The following F10 variants were observed in gnomAD, a reference collection of about 807,000 sequenced individuals.
F10 encodes the protein coagulation factor X.
F10 carries 29 observed loss-of-function variants against 37.1 expected under a neutral mutation model. The ratio of observed to expected loss-of-function variants is 0.78; its 90% CI spans 0.58 to 1.07. The LOEUF is 1.07. F10 is among the 50% of genes least tolerant of loss of function. The probability of loss-of-function intolerance (pLI) is 0.00; values close to 1 mark genes in which losing one functional copy is unlikely to be tolerated. For synonymous variants in F10, 262 were observed against 268.6 expected (o/e 0.98, Z 0.24); for missense variants, 539 against 667.9 (o/e 0.81, Z 2.13).
At chr13:113,147,782 T>G (rs1459243502) in intron 7 of F10, among the ~76,000 whole-genome samples, 1 of 152,164 alleles carries the variant, frequency 6.6e-6, no homozygotes, top group South Asian at 2.1e-4. Context: ...TGGGTCTGCA[T>G]GTCCAGCTAA....
In F10 at chr13:113,143,793, G is replaced by A; in HGVS notation, c.503-58G>A. 6.2e-7 allele frequency: 1 copy of A among 1,603,130 alleles called. No individual in the cohort carries two copies. The highest frequency in any genetic ancestry group is 8.5e-7 in the Non-Finnish European group (1 of 1,179,722). On this transcript the variant is annotated intron_variant, in intron 5 of 7. Transcript: ENST00000375559. The surrounding 1 kb of genome is among the most constrained non-coding windows in gnomAD (Gnocchi z 6.8). The stretch of plus-strand genomic sequence containing the variant: ...ACTCTTCTCCCTCAGGGTGAGCTGT[G>A]CAGGCTATGGGGAGCCTCTCTCTGT...
At position 113,139,385 on chromosome 13, in the gene F10, C is replaced by A. The variant is rs1340732317; in HGVS notation, c.285C>A (p.Cys95Ter). 4 of 1,613,874 alleles carry A rather than the reference C, an allele frequency of 2.5e-6. No homozygotes were observed. Residue 95 changes from cysteine (C) to a stop codon, truncating the protein, a stop_gained, in exon 4 of 8, where the codon TGC becomes TGA. Coordinates refer to ENST00000375559, the MANE Select transcript of F10 (RefSeq NM_000504.4). LOFTEE classifies it high-confidence loss of function. The surrounding 1 kb of genome is among the most constrained non-coding windows in gnomAD (Gnocchi z 5.2). ...GCGACCAGTGTGAGACCAGTCCTTG[C>A]CAGAACCAGGGCAAATGTAAAGACG... ...KDGDQCETSP[C>*]QNQGKCKDGL...
rs2036582950 is a variant in F10, at chr13:113,146,401, G to T, written c.748-978G>T. The stretch of plus-strand genomic sequence containing the variant: ...GGAGCTGGACTTGGAGCTGCAGGCG[G>T]GGTTTTGGAGGGGTTCCTGGGCTGG... On this transcript the variant is annotated intron_variant, in intron 6 of 7. Coordinates refer to ENST00000375559, the MANE Select transcript of F10 (RefSeq NM_000504.4). This position sits in a 1 kb window ranked among gnomAD's most constrained non-coding sequence, Gnocchi z 4.5. Among the ~76,000 whole-genome samples the T allele has an allele frequency of 6.6e-6, 1 of 152,180 alleles. No homozygotes were observed. Among genetic ancestry groups the T allele is most frequent in the Non-Finnish European group, 1.5e-5 (1 of 68,030 alleles).
In F10 at chr13:113,143,969, C is replaced by A. The variant is rs147238846; in HGVS notation, c.621C>A (p.Asp207Glu). The A allele has an allele frequency of 1.2e-6, 2 of 1,610,796 alleles. No individual in the cohort carries two copies. The highest frequency in any genetic ancestry group is 2.7e-5 in the African/African-American group (2 of 73,880). ...CATGGAAGCCATATGATGCAGCCGA[C>A]CTGGACCCCACCGAGAACCCCTTCG... is the stretch of plus-strand genomic sequence containing the variant. ...SITWKPYDAA[D>E]LDPTENPFDL... The change falls in exon 6 of 8, where the codon GAC becomes GAA. Residue 207 changes from aspartate (D) to glutamate (E), a missense_variant. Physicochemically the swap from Asp to Glu is conservative, Grantham distance 45. Transcript: ENST00000375559. The surrounding 1 kb of genome is among the most constrained non-coding windows in gnomAD (Gnocchi z 6.8).
At chr13:113,140,148 A>G (rs2036513862) in intron 4 of F10, among the ~76,000 whole-genome samples, 1 of 142,208 alleles carries the variant, frequency 7.0e-6, no homozygotes, top group African/African-American at 2.6e-5. Flanking sequence ...ATCTCAGCTC[A>G]CCGCAAGCTC....
rs1023915293 is a variant in F10, at chr13:113,146,386, T to C, written c.748-993T>C. 1.3e-5 allele frequency among the ~76,000 whole-genome samples: 2 copies of C among 152,090 alleles called. No individual in the cohort carries two copies. On this transcript the variant is annotated intron_variant, in intron 6 of 7. Transcript: ENST00000375559. The surrounding 1 kb of genome is among the most constrained non-coding windows in gnomAD (Gnocchi z 4.5). Reference sequence around the variant, plus strand: ...CTCTTGTGGGGCTGAGGAGCTGGACTTGGAGCTGCAGGCGGGGTTTTGGAG... The same window carrying C: ...CTCTTGTGGGGCTGAGGAGCTGGACCTGGAGCTGCAGGCGGGGTTTTGGAG...
At position 113,146,041 on chromosome 13, in the gene F10, C is replaced by T. The variant is rs1179393986; in HGVS notation, c.748-1338C>T. Reference sequence around the variant, plus strand: ...CAAGAATCTCAGAGCTGCCAGCGCCCCCATGAATTCCCCCAGGTCTTCCCC... The same window carrying T: ...CAAGAATCTCAGAGCTGCCAGCGCCTCCATGAATTCCCCCAGGTCTTCCCC... On this transcript the variant is annotated intron_variant, in intron 6 of 7. Transcript: ENST00000375559. This position sits in a 1 kb window ranked among gnomAD's most constrained non-coding sequence, Gnocchi z 4.5. Among the ~76,000 whole-genome samples, 1 of 152,174 alleles carries T rather than the reference C, an allele frequency of 6.6e-6. No homozygotes were observed. Among genetic ancestry groups the T allele is most frequent in the Non-Finnish European group, 1.5e-5 (1 of 68,034 alleles).
rs770671957 is a variant in F10 at position 113,149,326 on chromosome 13, C to T, written c.1276C>T (p.Arg426Cys). ...QGDSGGPHVTRFKDTYFVTGI... is the reference protein window; with the variant it reads ...QGDSGGPHVTCFKDTYFVTGI... ...GGACAGCGGGGGCCCGCACGTCACC[C>T]GCTTCAAGGACACCTACTTCGTGAC... The change falls in exon 8 of 8, where the codon CGC becomes TGC. Residue 426 changes from arginine to cysteine, a missense_variant. By Grantham distance (180) the Arg-to-Cys change is radical. Transcript: ENST00000375559. The surrounding 1 kb of genome is among the most constrained non-coding windows in gnomAD (Gnocchi z 7.5). The T allele has an allele frequency of 2.4e-5, 39 of 1,613,152 alleles. No homozygotes were observed. The highest frequency in any genetic ancestry group is 3.2e-5 in the Non-Finnish European group (38 of 1,180,038).
chr13:113,124,122 C>A (rs2036347687), intron 1 of F10, among the ~76,000 whole-genome samples: 1 of 152,046 alleles, frequency 6.6e-6, no homozygotes, highest in Non-Finnish European at 1.5e-5. Flanking sequence ...GCTCTAGGAT[C>A]CTGAGGCCCT....
intron 1 of F10, among the ~76,000 whole-genome samples, chr13:113,125,494 G>A (rs985068333): frequency 1.3e-4 from 20 of 152,224 alleles, no homozygotes; most frequent in Non-Finnish European, 1.0e-4. Flanking sequence ...CAAACCACAC[G>A]ACAAATGTCT....
At chr13:113,125,734 G>A (rs2036364368) in intron 1 of F10, among the ~76,000 whole-genome samples, 1 of 152,236 alleles carries the variant, frequency 6.6e-6, no homozygotes, top group South Asian at 2.1e-4. Flanking sequence ...GGCTGAGCCA[G>A]GCACGCCATC....
intron 2 of F10, among the ~76,000 whole-genome samples, chr13:113,132,504 G>C (rs2036443730): frequency 6.6e-6 from 1 of 152,210 alleles, no homozygotes; most frequent in Non-Finnish European, 1.5e-5. Flanking sequence ...TCTCCAGAGA[G>C]AGACGACTGA....
Position 113,149,061 on chromosome 13 carries a change from C to A in F10, c.1011C>A (p.Asn337Lys), listed in dbSNP as rs763538411. The change falls in exon 8 of 8, where the codon AAC becomes AAA. Residue 337 changes from asparagine to lysine, a missense_variant. This residue lies in a region of F10 where 409 missense variants were observed against 547.9 expected (regional missense o/e 0.75). Transcript: ENST00000375559. This position sits in a 1 kb window ranked among gnomAD's most constrained non-coding sequence, Gnocchi z 7.5. ...AGACCCCCATCACCTTCCGCATGAA[C>A]GTGGCGCCTGCCTGCCTCCCCGAGC... ...RLKTPITFRMNVAPACLPERD... is the reference protein window; with the variant it reads ...RLKTPITFRMKVAPACLPERD... 6.2e-7 allele frequency: 1 copy of A among 1,613,256 alleles called. No homozygotes were observed. The highest frequency in any genetic ancestry group is 1.3e-5 in the African/African-American group (1 of 74,920).
At position 113,143,755 on chromosome 13, in the gene F10, T is replaced by C; in HGVS notation, c.503-96T>C. On this transcript the variant is annotated intron_variant, in intron 5 of 7. Coordinates refer to ENST00000375559, the MANE Select transcript of F10 (RefSeq NM_000504.4). This position sits in a 1 kb window ranked among gnomAD's most constrained non-coding sequence, Gnocchi z 6.8. ...CCTCCGGGTGCCCCTGCGCTCTGCC[T>C]CCCGGCTCTCTGACTCTTCTCCCTC... 6.3e-7 allele frequency: 1 copy of C among 1,581,982 alleles called. No individual in the cohort carries two copies. Among genetic ancestry groups the C allele is most frequent in the Admixed American group, 1.7e-5 (1 of 59,454 alleles).
intron 1 of F10, among the ~76,000 whole-genome samples, chr13:113,126,784 C>T (rs2036374869): frequency 6.6e-6 from 1 of 152,198 alleles, no homozygotes; most frequent in Admixed American, 6.5e-5. Context: ...AACACTAAGC[C>T]AGGCTTGGAT....
rs6577029 is a variant in F10, at chr13:113,146,448, G to A, written c.748-931G>A. Among the ~76,000 whole-genome samples the A allele has an allele frequency of 6.0e-3, 918 of 152,282 alleles. 7 individuals carry two copies. The highest frequency in any genetic ancestry group is 0.021 in the African/African-American group (871 of 41,568). On this transcript the variant is annotated intron_variant, in intron 6 of 7. Transcript: ENST00000375559. The surrounding 1 kb of genome is among the most constrained non-coding windows in gnomAD (Gnocchi z 4.5). ...CTGGGGGACCAGGGTGGGGCGCCCT[G>A]GAGGGCTCACTGGAGGGGCCCTCGC...
intron 5 of F10, among the ~76,000 whole-genome samples, chr13:113,142,350 GC>G (rs2036538064): frequency 6.6e-6 from 1 of 150,686 alleles, no homozygotes; most frequent in Admixed American, 6.6e-5. Context: ...GACCATCCTG[GC>G]CAACACAGTG....
chr13:113,140,116 C>T (rs2036513620), intron 4 of F10, among the ~76,000 whole-genome samples: 1 of 148,364 alleles, frequency 6.7e-6, no homozygotes, highest in African/African-American at 2.5e-5. Flanking sequence ...CTCTGTGGCC[C>T]AGGCTAGAGT....
At chr13:113,148,048 G>T (rs905727152) in intron 7 of F10, among the ~76,000 whole-genome samples, 15 of 152,048 alleles carry the variant, frequency 9.9e-5, no homozygotes, top group Non-Finnish European at 1.6e-4. Context: ...TAAAAAAACA[G>T]GCTGGGTGTG....
Sources: allele counts gnomAD v4.1 joint callset (sites outside exome capture counted in the v4.1 genomes callset), GRCh38; gene constraint gnomAD v4.1.1; regional missense constraint gnomAD v4.1.1; non-coding constraint Gnocchi (gnomAD v3.1); transcripts MANE v1.5; gene names NCBI Gene and HGNC (gene_info 2026-07-23, HGNC 2026-07-21).